The following NLGN1 variants were observed in gnomAD, a reference collection of about 807,000 sequenced individuals.
NLGN1 encodes the protein neuroligin-1.
In NLGN1, 12 loss-of-function variants were observed where a neutral mutation model predicts 65.5. That is an observed-to-expected ratio of 0.18 (90% CI 0.12 to 0.30). The LOEUF (loss-of-function observed/expected upper bound fraction) is 0.30. NLGN1 is among the 10% of genes least tolerant of loss of function. The pLI is 1.00. For missense variants in NLGN1, 750 were observed against 1,007.1 expected (o/e 0.74, Z 3.46); for synonymous variants, 350 against 359.5 (o/e 0.97, Z 0.30).
intron 2 of NLGN1, among the ~76,000 whole-genome samples, chr3:173,455,760 GTATA>G (rs536028442): frequency 2.6e-5 from 4 of 151,976 alleles, no homozygotes; most frequent in African/African-American, 7.2e-5. Flanking sequence ...ATGTGTGTGT[GTATA>G]TATATATGTT....
intron 4 of NLGN1, among the ~76,000 whole-genome samples, chr3:173,819,526 C>T (rs1373922093): frequency 2.0e-5 from 3 of 152,144 alleles, no homozygotes; most frequent in South Asian, 2.1e-4. Context: ...CTGCCTAGGA[C>T]GATCCTTTCC....
At chr3:173,415,698 A>G (rs141992315) in intron 1 of NLGN1, among the ~76,000 whole-genome samples, 17 of 152,316 alleles carry the variant, frequency 1.1e-4, no homozygotes, top group Admixed American at 9.2e-4. Context: ...ATATGAATAT[A>G]GGATACCATT....
intron 3 of NLGN1, among the ~76,000 whole-genome samples, chr3:173,646,298 C>T (rs999817425): frequency 8.5e-4 from 130 of 152,162 alleles, no homozygotes; most frequent in African/African-American, 3.0e-3. Context: ...TAATTAATCA[C>T]CAGTAGAAAG....
intron 2 of NLGN1, among the ~76,000 whole-genome samples, chr3:173,541,722 TG>T (rs1291886378): frequency 6.6e-6 from 1 of 152,182 alleles, no homozygotes; most frequent in East Asian, 1.9e-4. Context: ...AAATTATTTT[TG>T]TAGTGCATTA....
In NLGN1 at chr3:173,594,081, G is replaced by A. The variant is rs1370280123; in HGVS notation, c.-320-10198G>A. ...GCCATACCATGTCATTCTGCCCCTG[G>A]CCCCTCCAAATCTCATGTCCTCGCA... On this transcript the variant is annotated intron_variant, in intron 2 of 6. Transcript: ENST00000457714. 5.9e-5 allele frequency among the ~76,000 whole-genome samples: 9 copies of A among 152,118 alleles called. No homozygotes were observed. The East Asian group carries it at 1.7e-3, about 30-fold the overall frequency.
At chr3:173,762,909 T>A (rs767494807) in intron 3 of NLGN1, among the ~76,000 whole-genome samples, 10 of 151,314 alleles carry the variant, frequency 6.6e-5, no homozygotes, top group Non-Finnish European at 1.5e-4. Flanking sequence ...GGGCATCAAT[T>A]TCAATAAGTG....
chr3:173,838,179 T>A (rs1724032293), intron 4 of NLGN1, among the ~76,000 whole-genome samples: 1 of 151,466 alleles, frequency 6.6e-6, no homozygotes, highest in South Asian at 2.1e-4. Flanking sequence ...ACTAAATTGA[T>A]TGTAACCTGG....
At chr3:173,477,059 C>T (rs573792429) in intron 2 of NLGN1, among the ~76,000 whole-genome samples, 3 of 152,124 alleles carry the variant, frequency 2.0e-5, no homozygotes, top group African/African-American at 7.2e-5. Flanking sequence ...TCTTTAATGA[C>T]CTAGTGAAAT....
chr3:173,833,552 C>G (rs1723014618), intron 4 of NLGN1, among the ~76,000 whole-genome samples: 1 of 152,046 alleles, frequency 6.6e-6, no homozygotes, highest in Non-Finnish European at 1.5e-5. Flanking sequence ...TCATTTCCCA[C>G]TTTCTTGTCC....
intron 2 of NLGN1, among the ~76,000 whole-genome samples, chr3:173,467,651 A>C (rs763719929): frequency 1.3e-5 from 2 of 152,154 alleles, no homozygotes; most frequent in Admixed American, 6.6e-5. Flanking sequence ...TCATGTTTAT[A>C]AGTGAGATAA....
At chr3:173,481,382 A>G (rs1244339662) in intron 2 of NLGN1, among the ~76,000 whole-genome samples, 1 of 152,036 alleles carries the variant, frequency 6.6e-6, no homozygotes, top group Non-Finnish European at 1.5e-5. Flanking sequence ...AGAACTAATA[A>G]CGATTATTCA....
chr3:174,121,536 A>G (rs974497644), intron 4 of NLGN1, among the ~76,000 whole-genome samples: 1 of 152,190 alleles, frequency 6.6e-6, no homozygotes, highest in Admixed American at 6.5e-5. Context: ...TTGAGCTTCA[A>G]GTAGCCTTAG....
chr3:173,981,493 G>A (rs1021684775), intron 4 of NLGN1, among the ~76,000 whole-genome samples: 5 of 152,204 alleles, frequency 3.3e-5, no homozygotes, highest in Non-Finnish European at 5.9e-5. Flanking sequence ...GATGTAACAC[G>A]TAACTCCAAC....
chr3:173,865,769 A>G (rs745312446), intron 4 of NLGN1, among the ~76,000 whole-genome samples: 6 of 152,194 alleles, frequency 3.9e-5, no homozygotes, highest in Non-Finnish European at 4.4e-5. Context: ...TTATGCTTCA[A>G]AATGAATGAT....
chr3:174,203,899 G>T (rs181228874), intron 4 of NLGN1, among the ~76,000 whole-genome samples: 3 of 152,080 alleles, frequency 2.0e-5, no homozygotes, highest in African/African-American at 7.2e-5. Context: ...TTCCTGGGTA[G>T]ATATTATAAT....
At chr3:173,565,979 T>C (rs1043427818) in intron 2 of NLGN1, among the ~76,000 whole-genome samples, 15 of 152,204 alleles carry the variant, frequency 9.9e-5, no homozygotes, top group African/African-American at 3.1e-4. Context: ...ATTTAATCTC[T>C]CACTATGTTC....
At chr3:174,020,034 A>G (rs1411982704) in intron 4 of NLGN1, among the ~76,000 whole-genome samples, 1 of 152,152 alleles carries the variant, frequency 6.6e-6, no homozygotes, top group Admixed American at 6.6e-5. Context: ...ACATTGTATT[A>G]TAGTAGATTC....
intron 4 of NLGN1, among the ~76,000 whole-genome samples, chr3:173,873,306 C>T (rs893793407): frequency 2.0e-5 from 3 of 152,044 alleles, no homozygotes; most frequent in African/African-American, 7.2e-5. Flanking sequence ...CCAGGCTGGT[C>T]TCAACTTCCT....
chr3:174,232,995 A>G (rs544084301), intron 4 of NLGN1, among the ~76,000 whole-genome samples: 1 of 152,300 alleles, frequency 6.6e-6, no homozygotes, highest in East Asian at 1.9e-4. Context: ...TTTGGGATAA[A>G]ATGCTTTAAT....
Sources: allele counts gnomAD v4.1 joint callset (sites outside exome capture counted in the v4.1 genomes callset), GRCh38; gene constraint gnomAD v4.1.1; transcripts MANE v1.5; gene names NCBI Gene and HGNC (gene_info 2026-07-23, HGNC 2026-07-21).